CISD2: variants seen among roughly 807,000 people sequenced by gnomAD.
CISD2 encodes CDGSH iron sulfur domain 2.
Under a neutral mutation model 12.9 loss-of-function variants are expected in CISD2, and 1 was observed. That is an observed-to-expected ratio of 0.08 (90% CI 0.03 to 0.37). The LOEUF (loss-of-function observed/expected upper bound fraction) is 0.37, where lower values mean the gene tolerates loss of function less well. Among genes scored for constraint, CISD2 ranks in the 10% least tolerant of loss-of-function variants. The probability of loss-of-function intolerance (pLI) is 0.99; values close to 1 mark genes in which losing one functional copy is unlikely to be tolerated. For missense variants in CISD2, 97 were observed against 163.1 expected, an observed-to-expected ratio of 0.59 and a Z score of 2.21; for synonymous variants, 50 against 60.6, an observed-to-expected ratio of 0.83 and a Z score of 0.81.
At chr4:102,881,478 G>A (rs1185609621) in intron 1 of CISD2, among the ~76,000 whole-genome samples, 1 of 152,190 alleles carries the variant, frequency 6.6e-6, no homozygotes, top group African/African-American at 2.4e-5. Context: ...GAATATCCCA[G>A]TTACACTGAG....
At chr4:102,873,784 G>A (rs1047122441) in intron 1 of CISD2, among the ~76,000 whole-genome samples, 8 of 148,500 alleles carry the variant, frequency 5.4e-5, no homozygotes, top group Non-Finnish European at 1.2e-4. Context: ...TTAGGTCCTT[G>A]CTCAGTATTG....
intron 1 of CISD2, among the ~76,000 whole-genome samples, chr4:102,873,563 C>T (rs1733516723): frequency 1.3e-5 from 2 of 152,040 alleles, no homozygotes; most frequent in Admixed American, 1.3e-4. Flanking sequence ...GTGTGAGGCA[C>T]TGTGAGTGGC....
rs1578320595 is a variant in CISD2 at position 102,889,916 on chromosome 4, A to G, written c.*2486A>G. 1 of 152,210 alleles carries G rather than the reference A, an allele frequency of 6.6e-6. No individual in the cohort carries two copies. The highest frequency in any genetic ancestry group is 1.5e-5 in the Non-Finnish European group (1 of 68,042). The allele number at this position is 152,210 out of a possible 1,614,324, so 9.4% of individuals were successfully genotyped here. On this transcript the variant is annotated 3_prime_UTR_variant, in exon 3 of 3. Coordinates refer to ENST00000273986, the MANE Select transcript of CISD2 (RefSeq NM_001008388.5). Reference sequence around the variant, plus strand: ...GGATAAGTGGTAAAAGAAAAAAAAAAGTAACTTGGCTCTTGAAATACATGT... The same window carrying G: ...GGATAAGTGGTAAAAGAAAAAAAAAGGTAACTTGGCTCTTGAAATACATGT...
In CISD2 at chr4:102,890,799, C is replaced by T. The variant is rs1031111432; in HGVS notation, c.*3369C>T. ...AGGTTGCAGTGAGCCAAGATTGTGC[C>T]ACTGCACTCCAGCCTGGGCAACAGA... On this transcript the variant is annotated 3_prime_UTR_variant, in exon 3 of 3. Coordinates refer to ENST00000273986, the MANE Select transcript of CISD2 (RefSeq NM_001008388.5). 3 of 140,336 alleles carry T rather than the reference C, an allele frequency of 2.1e-5. No homozygotes were observed. Among genetic ancestry groups the T allele is most frequent in the Non-Finnish European group, 4.5e-5 (3 of 66,804 alleles). 8.7% of individuals were successfully genotyped at this position (140,336 alleles called of 1,614,324 possible). A position where few individuals can be genotyped will look rare whatever the true frequency, so the allele number is the denominator to read the frequency against.
At chr4:102,885,798 C>T (rs1733880425) in intron 2 of CISD2, among the ~76,000 whole-genome samples, 1 of 152,122 alleles carries the variant, frequency 6.6e-6, no homozygotes, top group African/African-American at 2.4e-5. Flanking sequence ...GGACAAGTTA[C>T]TTAATTTTTA....
chr4:102,869,218 C>A (rs776520826), intron 1 of CISD2, 31 bp downstream of exon 1: 24 of 1,581,808 alleles, frequency 1.5e-5, no homozygotes, highest in Admixed American at 1.1e-4. Flanking sequence ...AGTCCCCATC[C>A]TTGCACGTTC....
chr4:102,881,468 G>A (rs116684575), intron 1 of CISD2, among the ~76,000 whole-genome samples: 111 of 152,300 alleles, frequency 7.3e-4, no homozygotes, highest in African/African-American at 1.9e-3. Context: ...ATGAGGTGAC[G>A]AATATCCCAG....
chr4:102,871,952 CTAGT>C (rs58744713), intron 1 of CISD2, among the ~76,000 whole-genome samples: 82,308 of 151,496 alleles, frequency 0.54, 22,900 homozygotes, highest in African/African-American at 0.68. Flanking sequence ...TGACCATATA[CTAGT>C]TAAATACAGG....
intron 1 of CISD2, chr4:102,869,640 T>C (rs1202805870): frequency 2.4e-5 from 15 of 633,436 alleles, no homozygotes; most frequent in East Asian, 1.1e-4. Flanking sequence ...GAGAGAAATA[T>C]AGACTTACAC....
At chr4:102,877,394 A>G (rs1227530492) in intron 1 of CISD2, among the ~76,000 whole-genome samples, 3 of 152,228 alleles carry the variant, frequency 2.0e-5, no homozygotes, top group Non-Finnish European at 2.9e-5. Flanking sequence ...GCAGTCATTA[A>G]ATCATAAAGC....
intron 1 of CISD2, among the ~76,000 whole-genome samples, chr4:102,881,099 A>G (rs1317491087): frequency 6.6e-6 from 1 of 152,270 alleles, no homozygotes; most frequent in East Asian, 1.9e-4. Context: ...AAACAGATCT[A>G]TAGAGACTAG....
chr4:102,885,109 A>G, intron 1 of CISD2, 107 bp from the exon 2 acceptor site: 2 of 895,744 alleles, frequency 2.2e-6, no homozygotes, highest in Non-Finnish European at 3.7e-6. Context: ...ATTAAAAAGG[A>G]ATTAATGTAA....
chr4:102,874,661 C>A (rs1733548842), intron 1 of CISD2: 3 of 152,094 alleles, frequency 2.0e-5, no homozygotes, highest in Non-Finnish European at 4.4e-5. Flanking sequence ...GGACTTCTCG[C>A]CACTAGAACT....
chr4:102,871,114 G>T (rs1733434083), intron 1 of CISD2, among the ~76,000 whole-genome samples: 1 of 152,136 alleles, frequency 6.6e-6, no homozygotes, highest in Non-Finnish European at 1.5e-5. Context: ...AATGTCCAAT[G>T]AATTACCTAT....
intron 1 of CISD2, among the ~76,000 whole-genome samples, chr4:102,884,870 T>C (rs1166490666): frequency 2.6e-5 from 4 of 152,216 alleles, no homozygotes; most frequent in Non-Finnish European, 5.9e-5. Context: ...TCTTAACTTA[T>C]AAAATATACA....
chr4:102,881,569 T>A (rs889869042), intron 1 of CISD2, among the ~76,000 whole-genome samples: 2 of 152,226 alleles, frequency 1.3e-5, no homozygotes, highest in Admixed American at 1.3e-4. Flanking sequence ...TTATTATGTA[T>A]CAGTACAAAA....
chr4:102,882,264 A>C (rs911197769), intron 1 of CISD2, among the ~76,000 whole-genome samples: 46 of 152,274 alleles, frequency 3.0e-4, no homozygotes, highest in African/African-American at 1.1e-3. Flanking sequence ...AGCTCTTATG[A>C]CTTCTAAAAT....
At position 102,869,200 on chromosome 4, in the gene CISD2, C is replaced by A; in HGVS notation, c.103+13C>A. 3.8e-6 allele frequency: 6 copies of A among 1,595,296 alleles called. No homozygotes were observed. The highest frequency in any genetic ancestry group is 1.7e-5 in the Admixed American group (1 of 58,106). On this transcript the variant is annotated intron_variant, in intron 1 of 2. Coordinates refer to ENST00000273986, the MANE Select transcript of CISD2 (RefSeq NM_001008388.5). The stretch of plus-strand genomic sequence containing the variant: ...GCTAGGCTCACAGGTAATCCTCCCC[C>A]ATCAGCCAGTCCCCATCCTTGCACG...
chr4:102,874,645 G>T (rs1326695660), intron 1 of CISD2: 1 of 152,144 alleles, frequency 6.6e-6, no homozygotes, highest in African/African-American at 2.4e-5. Flanking sequence ...CTGACACCTT[G>T]ATTTTGGACT....
Sources: gnomAD v4.1 joint callset for allele counts (sites outside exome capture counted in the v4.1 genomes callset) on GRCh38, gnomAD v4.1.1 for gene constraint, MANE v1.5 for transcripts, NCBI Gene and HGNC (gene_info 2026-07-23, HGNC 2026-07-21) for gene names.